The following FBXO8 variants were observed in gnomAD, a reference collection of about 807,000 sequenced individuals.
FBXO8 encodes the protein F-box protein 8, also known as F-box only protein 8.
In FBXO8, 15 loss-of-function variants were observed where a neutral mutation model predicts 33.4. That is an observed-to-expected ratio of 0.45 (90% CI 0.30 to 0.69). The LOEUF (loss-of-function observed/expected upper bound fraction) is 0.69, where lower values mean the gene tolerates loss of function less well. FBXO8 is among the 30% of genes least tolerant of loss of function. The pLI, the probability that FBXO8 is intolerant of heterozygous loss-of-function variation, is 0.08. For synonymous variants in FBXO8, 132 were observed against 131.5 expected (o/e 1.00, Z -0.02); for missense variants, 274 against 380.3 (o/e 0.72, Z 2.32).
intron 3 of FBXO8, among the ~76,000 whole-genome samples, chr4:174,248,649 T>A (rs963249589): frequency 6.6e-6 from 1 of 152,030 alleles, no homozygotes; most frequent in Non-Finnish European, 1.5e-5. Flanking sequence ...CTATGAAACA[T>A]AATACCATAT....
Position 174,245,028 on chromosome 4 carries a change from T to C in FBXO8, c.457-3810A>G, listed in dbSNP as rs779183372. ...CTGCTTTAAAATATTTTTTAAAACATGAAGCAATACATTAAAATTGTCCAC... is the reference window on the plus strand; with the variant it reads ...CTGCTTTAAAATATTTTTTAAAACACGAAGCAATACATTAAAATTGTCCAC... On this transcript the variant is annotated intron_variant, in intron 3 of 5. Coordinates refer to ENST00000393674, the MANE Select transcript of FBXO8 (RefSeq NM_012180.3). The surrounding 1 kb of genome is among the most constrained non-coding windows in gnomAD (Gnocchi z 4.6). 6.6e-6 allele frequency among the ~76,000 whole-genome samples: 1 copy of C among 151,808 alleles called. No individual in the cohort carries two copies. The highest frequency in any genetic ancestry group is 1.9e-4 in the East Asian group (1 of 5,190).
At chr4:174,246,404 T>A (rs75501983) in intron 3 of FBXO8, among the ~76,000 whole-genome samples, 2,837 of 151,954 alleles carry the variant, frequency 0.019, 86 homozygotes, top group African/African-American at 0.065. Context: ...GGGCACTGAG[T>A]TTGGTGACTG....
Position 174,265,134 on chromosome 4 carries a change from T to C in FBXO8, c.-8-2034A>G, listed in dbSNP as rs1736664443. ...TGACAATACCAAATGCTGGCAAGAA[T>C]GTAGGAATGCAAAATGATACAACCA... On this transcript the variant is annotated intron_variant, in intron 1 of 5. Transcript: ENST00000393674. This position sits in a 1 kb window ranked among gnomAD's most constrained non-coding sequence, Gnocchi z 4.7. Among the ~76,000 whole-genome samples the C allele has an allele frequency of 6.6e-6, 1 of 152,100 alleles. No individual in the cohort carries two copies. Among genetic ancestry groups the C allele is most frequent in the South Asian group, 2.1e-4 (1 of 4,830 alleles).
At chr4:174,269,629 G>A (rs565169837) in intron 1 of FBXO8, among the ~76,000 whole-genome samples, 3 of 149,972 alleles carry the variant, frequency 2.0e-5, no homozygotes, top group Non-Finnish European at 2.9e-5. Context: ...AGGTTGCACC[G>A]AGCCGAGAAT....
rs1736286852 is a variant in FBXO8 at position 174,251,654 on chromosome 4, A to G, written c.456+8045T>C. Among the ~76,000 whole-genome samples, 1 of 152,136 alleles carries G rather than the reference A, an allele frequency of 6.6e-6. No homozygotes were observed. The highest frequency in any genetic ancestry group is 1.5e-5 in the Non-Finnish European group (1 of 68,000). ...ATACCATATTACTCTCAAAAAAAAGAAAATCACCTCCAGTTTAGCACCATT... is the reference window on the plus strand; with the variant it reads ...ATACCATATTACTCTCAAAAAAAAGGAAATCACCTCCAGTTTAGCACCATT... On this transcript the variant is annotated intron_variant, in intron 3 of 5. Transcript: ENST00000393674. This position sits in a 1 kb window ranked among gnomAD's most constrained non-coding sequence, Gnocchi z 4.2.
intron 1 of FBXO8, among the ~76,000 whole-genome samples, chr4:174,280,547 G>A (rs974972781): frequency 6.6e-6 from 1 of 152,142 alleles, no homozygotes; most frequent in Non-Finnish European, 1.5e-5. Context: ...CATGTTCATA[G>A]CAGCATTATT....
At position 174,264,221 on chromosome 4, in the gene FBXO8, A is replaced by C. The variant is rs541764406; in HGVS notation, c.-8-1121T>G. 2.4e-4 allele frequency among the ~76,000 whole-genome samples: 36 copies of C among 152,310 alleles called. No individual in the cohort carries two copies. In the East Asian group the frequency reaches 6.6e-3, roughly 28 times the overall value. On this transcript the variant is annotated intron_variant, in intron 1 of 5. Transcript: ENST00000393674. ...AATGTGGCTTCAATTAACTGTTTAC[A>C]ATAAGTACTAACAAAAACAAAAGCA...
At chr4:174,276,575 A>ATTTTG (rs1026965837) in intron 1 of FBXO8, among the ~76,000 whole-genome samples, 3 of 152,056 alleles carry the variant, frequency 2.0e-5, no homozygotes, top group Non-Finnish European at 2.9e-5. Flanking sequence ...ATATATTTAG[A>ATTTTG]TTTTGTTTTG....
rs1393936207 is a variant in FBXO8 at position 174,251,332 on chromosome 4, A to G, written c.456+8367T>C. On this transcript the variant is annotated intron_variant, in intron 3 of 5. Coordinates refer to ENST00000393674, the MANE Select transcript of FBXO8 (RefSeq NM_012180.3). The surrounding 1 kb of genome is among the most constrained non-coding windows in gnomAD (Gnocchi z 4.2). ...TTCTAGGGCCTGAATCTCTTTTTCA[A>G]CCAGATAAAGATTAGAAGAGGGCCT... Among the ~76,000 whole-genome samples the G allele has an allele frequency of 6.6e-6, 1 of 152,096 alleles. No individual in the cohort carries two copies. The highest frequency in any genetic ancestry group is 1.5e-5 in the Non-Finnish European group (1 of 68,022).
intron 3 of FBXO8, among the ~76,000 whole-genome samples, chr4:174,258,712 A>G (rs1041489281): frequency 3.9e-5 from 6 of 152,030 alleles, no homozygotes; most frequent in Non-Finnish European, 7.4e-5. Context: ...GTAAAAATCA[A>G]TTGATTAGAA....
In FBXO8 at chr4:174,274,118, C is replaced by G. The variant is rs149341100; in HGVS notation, c.-9+9292G>C. On this transcript the variant is annotated intron_variant, in intron 1 of 5. Transcript: ENST00000393674. This position sits in a 1 kb window ranked among gnomAD's most constrained non-coding sequence, Gnocchi z 4.0. ...CACTGGTTCTCATCTCTTTTTACCC[C>G]GTCACTGTTTATTACCTCCATCGTT... is the stretch of plus-strand genomic sequence containing the variant. Among the ~76,000 whole-genome samples the G allele has an allele frequency of 6.6e-6, 1 of 152,180 alleles. No individual in the cohort carries two copies. Among genetic ancestry groups the G allele is most frequent in the South Asian group, 2.1e-4 (1 of 4,830 alleles).
rs1214414467 is a variant in FBXO8 at position 174,241,115 on chromosome 4, A to T, written c.560T>A (p.Ile187Asn). ...TCGTTTTTACCTTTCATCAAGATAG[A>T]TTCTCAGTTTTTTCCAATTTAGTGT... ...TRTLNWKKLR[I>N]YLDERRDVLD... The change falls in exon 4 of 6, where the codon ATC becomes AAC. Residue 187 changes from isoleucine (I) to asparagine (N), a missense_variant. Ile to Asn is a moderately radical substitution (Grantham distance 149). Coordinates refer to ENST00000393674, the MANE Select transcript of FBXO8 (RefSeq NM_012180.3). The surrounding 1 kb of genome is among the most constrained non-coding windows in gnomAD (Gnocchi z 4.2). 1 of 1,594,986 alleles carries T rather than the reference A, an allele frequency of 6.3e-7. No individual in the cohort carries two copies. Among genetic ancestry groups the T allele is most frequent in the Non-Finnish European group, 8.6e-7 (1 of 1,167,126 alleles).
chr4:174,251,735 G>A lies in FBXO8; in HGVS notation c.456+7964C>T, dbSNP rs972298398. 1.3e-5 allele frequency among the ~76,000 whole-genome samples: 2 copies of A among 152,086 alleles called. No individual in the cohort carries two copies. The highest frequency in any genetic ancestry group is 4.8e-5 in the African/African-American group (2 of 41,422). On this transcript the variant is annotated intron_variant, in intron 3 of 5. Transcript: ENST00000393674. The surrounding 1 kb of genome is among the most constrained non-coding windows in gnomAD (Gnocchi z 4.2). ...TTAAGTTGTCTAGGCAGAGGAAGAGGCTATTTAGTGTCTGAGAGGCATAAT... is the reference window on the plus strand; with the variant it reads ...TTAAGTTGTCTAGGCAGAGGAAGAGACTATTTAGTGTCTGAGAGGCATAAT...
At chr4:174,273,591 C>T (rs2126447628) in intron 1 of FBXO8, among the ~76,000 whole-genome samples, 1 of 152,252 alleles carries the variant, frequency 6.6e-6, no homozygotes, top group Middle Eastern at 3.4e-3. Flanking sequence ...AGGGAACACA[C>T]ACTGAAGTGT....
At position 174,239,012 on chromosome 4, in the gene FBXO8, C is replaced by T; in HGVS notation, c.754G>A (p.Glu252Lys). ...TTCTTACCAGGACTAAGGCCAAGTT[C>T]TCGCATTAAATCAGGGTTGCAAGCA... Reference protein sequence around the residue: ...FCACNPDLMRELGLSPDAVYV... With the variant: ...FCACNPDLMRKLGLSPDAVYV... Residue 252 changes from glutamate (E) to lysine (K), a missense_variant, in exon 5 of 6, where the codon GAA becomes AAA. Physicochemically the swap from Glu to Lys is moderately conservative, Grantham distance 56 (BLOSUM62 1). Around this residue, in one of 2 missense-constraint regions of FBXO8, gnomAD observed 186 missense variants for 293.4 expected, o/e 0.63. Transcript: ENST00000393674. 6.4e-7 allele frequency: 1 copy of T among 1,563,554 alleles called. No individual in the cohort carries two copies. The highest frequency in any genetic ancestry group is 8.7e-7 in the Non-Finnish European group (1 of 1,153,352).
rs145782837 is a variant in FBXO8, at chr4:174,250,817, C to T, written c.456+8882G>A. Among the ~76,000 whole-genome samples the T allele has an allele frequency of 3.4e-4, 52 of 152,190 alleles. No individual in the cohort carries two copies. In the East Asian group the frequency reaches 9.9e-3, roughly 29 times the overall value. ...TATTTTGAAGTGACATCTACTGTGACACTGGTAACAATTGCTAAATTCATG... is the reference window on the plus strand; with the variant it reads ...TATTTTGAAGTGACATCTACTGTGATACTGGTAACAATTGCTAAATTCATG... On this transcript the variant is annotated intron_variant, in intron 3 of 5. Transcript: ENST00000393674.
intron 2 of FBXO8, among the ~76,000 whole-genome samples, chr4:174,260,257 T>C (rs1736521145): frequency 6.6e-6 from 1 of 151,980 alleles, no homozygotes; most frequent in South Asian, 2.1e-4. Context: ...CCCAAGATCA[T>C]ACGGCTAATA....
rs768943944 is a variant in FBXO8 at position 174,275,103 on chromosome 4, A to G, written c.-9+8307T>C. ...CAACTCTCAAAACAATAGTAAACAA[A>G]AACCAAACAATCCAATATAAAAATG... On this transcript the variant is annotated intron_variant, in intron 1 of 5. Coordinates refer to ENST00000393674, the MANE Select transcript of FBXO8 (RefSeq NM_012180.3). This position sits in a 1 kb window ranked among gnomAD's most constrained non-coding sequence, Gnocchi z 4.4. Among the ~76,000 whole-genome samples, 4 of 152,198 alleles carry G rather than the reference A, an allele frequency of 2.6e-5. No individual in the cohort carries two copies. The highest frequency in any genetic ancestry group is 4.4e-5 in the Non-Finnish European group (3 of 68,040).
rs1736377319 is a variant in FBXO8 at position 174,254,607 on chromosome 4, T to C, written c.456+5092A>G. Among the ~76,000 whole-genome samples, 3 of 152,190 alleles carry C rather than the reference T, an allele frequency of 2.0e-5. No homozygotes were observed. The highest frequency in any genetic ancestry group is 4.4e-5 in the Non-Finnish European group (3 of 68,016). ...TGTACAGGCAGTTATTTGAATTCAA[T>C]ATTGCTTTCAGGTTTATTGCCTTAC... is the stretch of plus-strand genomic sequence containing the variant. On this transcript the variant is annotated intron_variant, in intron 3 of 5. Transcript: ENST00000393674. The surrounding 1 kb of genome is among the most constrained non-coding windows in gnomAD (Gnocchi z 4.2).
Sources: gnomAD v4.1 joint callset for allele counts (sites outside exome capture counted in the v4.1 genomes callset) on GRCh38, gnomAD v4.1.1 for gene constraint, gnomAD v4.1.1 regional missense constraint, Gnocchi (gnomAD v3.1) non-coding constraint, MANE v1.5 for transcripts, NCBI Gene and HGNC (gene_info 2026-07-23, HGNC 2026-07-21) for gene names.